IRF2: variants seen among roughly 807,000 people sequenced by gnomAD.
The protein encoded by IRF2 is interferon regulatory factor 2.
IRF2 carries 15 observed loss-of-function variants against 40.6 expected under a neutral mutation model. That is an observed-to-expected ratio of 0.37 (90% confidence interval 0.25 to 0.57). IRF2 has a LOEUF of 0.57. Ranked by LOEUF, IRF2 falls within the 20% of genes least tolerant of loss-of-function variation. IRF2 has a pLI of 0.77. For missense variants in IRF2, 317 were observed against 455.7 expected (o/e 0.70, Z 2.77); for synonymous variants, 151 against 165.5 (o/e 0.91, Z 0.67).
chr4:184,398,638 A>G (rs1278456332), intron 7 of IRF2, among the ~76,000 whole-genome samples: 1 of 151,378 alleles, frequency 6.6e-6, no homozygotes, highest in Non-Finnish European at 1.5e-5. Context: ...CCTGGGAGAC[A>G]GAGCGAGACT....
rs1447907526 is a variant in IRF2 at position 184,436,586 on chromosome 4, AGAAAGCTTTATGGCAAAG to A, written c.-6-7534_-6-7517del. 5.3e-4 allele frequency among the ~76,000 whole-genome samples: 81 copies of A among 152,248 alleles called. 1 individual carries two copies. Among genetic ancestry groups the A allele is most frequent in the Non-Finnish European group, 1.6e-4 (11 of 68,050 alleles). On this transcript the variant is annotated intron_variant, in intron 1 of 8. Coordinates refer to ENST00000393593, the MANE Select transcript of IRF2 (RefSeq NM_002199.4). ...AATCATTGTTAAATGGGCATATAAG[AGAAAGCTTTATGGCAAAG>A]GAAAGCTTTATGGTAAAGGAAGACC...
intron 6 of IRF2, among the ~76,000 whole-genome samples, chr4:184,405,560 G>C (rs1198614494): frequency 6.6e-6 from 1 of 152,130 alleles, no homozygotes; most frequent in Non-Finnish European, 1.5e-5. Context: ...GGGGACCTGG[G>C]GGAACTCAGC....
At chr4:184,402,055 T>C (rs948046554) in intron 6 of IRF2, among the ~76,000 whole-genome samples, 3 of 152,106 alleles carry the variant, frequency 2.0e-5, no homozygotes, top group African/African-American at 7.2e-5. Context: ...CCTCCCAGCC[T>C]CCCAGGGCTA....
intron 6 of IRF2, among the ~76,000 whole-genome samples, chr4:184,404,737 G>A (rs1052909054): frequency 3.3e-5 from 5 of 152,204 alleles, no homozygotes; most frequent in African/African-American, 1.2e-4. Flanking sequence ...CATGGTGGGA[G>A]AGAAGATCAC....
chr4:184,444,300 G>T (rs1443530086), intron 1 of IRF2, among the ~76,000 whole-genome samples: 2 of 152,128 alleles, frequency 1.3e-5, no homozygotes, highest in Non-Finnish European at 2.9e-5. Flanking sequence ...CCTGGTGCTG[G>T]TCACCATCTC....
intron 1 of IRF2, among the ~76,000 whole-genome samples, chr4:184,454,487 A>G (rs1738838820): frequency 6.6e-6 from 1 of 152,222 alleles, no homozygotes; most frequent in South Asian, 2.1e-4. Context: ...ATACCTCCGA[A>G]GCAAGAATCC....
intron 1 of IRF2, among the ~76,000 whole-genome samples, chr4:184,452,130 C>T (rs1738734269): frequency 6.6e-6 from 1 of 152,126 alleles, no homozygotes; most frequent in African/African-American, 2.4e-5. Flanking sequence ...GATGTAGGGA[C>T]CCAGGCCAGG....
chr4:184,471,232 A>T (rs759951360), intron 1 of IRF2, among the ~76,000 whole-genome samples: 9 of 152,252 alleles, frequency 5.9e-5, no homozygotes, highest in Non-Finnish European at 1.0e-4. Context: ...TGAAAGCAAC[A>T]CTTACGAGAT....
At chr4:184,401,994 C>T (rs967550097) in intron 6 of IRF2, among the ~76,000 whole-genome samples, 4 of 152,208 alleles carry the variant, frequency 2.6e-5, no homozygotes, top group South Asian at 2.1e-4. Context: ...CTCCCCATGA[C>T]GTCCTAGTCG....
intron 5 of IRF2, among the ~76,000 whole-genome samples, chr4:184,409,824 G>A (rs1737006612): frequency 6.6e-6 from 1 of 151,750 alleles, no homozygotes; most frequent in Non-Finnish European, 1.5e-5. Context: ...CTGAGCCCGG[G>A]AGTTCAAGGA....
In IRF2 at chr4:184,408,474, CTCCT is replaced by C. The variant is rs1439478264; in HGVS notation, c.412-203_412-200del. 2.6e-5 allele frequency among the ~76,000 whole-genome samples: 4 copies of C among 152,190 alleles called. No homozygotes were observed. The highest frequency in any genetic ancestry group is 9.7e-5 in the African/African-American group (4 of 41,438). ...CCAGGGTGCACTGCTGGGTATTCAGCTCCTTCCATTTTCCTTCAAGGAAACGGTA... is the reference window on the plus strand; with the variant it reads ...CCAGGGTGCACTGCTGGGTATTCAGCTCCATTTTCCTTCAAGGAAACGGTA... On this transcript the variant is annotated intron_variant, in intron 5 of 8. Transcript: ENST00000393593. This position sits in a 1 kb window ranked among gnomAD's most constrained non-coding sequence, Gnocchi z 4.9.
chr4:184,389,375 G>A (rs1052968457), intron 8 of IRF2, among the ~76,000 whole-genome samples: 17 of 152,250 alleles, frequency 1.1e-4, no homozygotes, highest in Admixed American at 2.0e-4. Flanking sequence ...CTATGATTGC[G>A]CCACTGCACT....
intron 1 of IRF2, among the ~76,000 whole-genome samples, chr4:184,455,772 A>G (rs1024493981): frequency 1.3e-5 from 2 of 152,162 alleles, no homozygotes; most frequent in Admixed American, 6.5e-5. Context: ...AAATTTTACT[A>G]TTTACATGCC....
chr4:184,449,318 C>G (rs903727315), intron 1 of IRF2, among the ~76,000 whole-genome samples: 2 of 152,208 alleles, frequency 1.3e-5, no homozygotes, highest in African/African-American at 4.8e-5. Flanking sequence ...CTCTCCCAAG[C>G]TAACTCTTAC....
Position 184,422,682 on chromosome 4 carries a change from A to C in IRF2, c.88-3114T>G, listed in dbSNP as rs149951550. Reference sequence around the variant, plus strand: ...CTGGATGAAAGAAGCCAGACACAAAAGGCCAAAAATTGAATGATTCCATTT... The same window carrying C: ...CTGGATGAAAGAAGCCAGACACAAACGGCCAAAAATTGAATGATTCCATTT... On this transcript the variant is annotated intron_variant, in intron 2 of 8. Transcript: ENST00000393593. Among the ~76,000 whole-genome samples, 176 of 152,370 alleles carry C rather than the reference A, an allele frequency of 1.2e-3. 2 individuals carry two copies. The highest frequency in any genetic ancestry group is 4.2e-3 in the African/African-American group (173 of 41,578).
At chr4:184,414,526 C>T (rs1737192229) in intron 5 of IRF2, among the ~76,000 whole-genome samples, 2 of 152,162 alleles carry the variant, frequency 1.3e-5, no homozygotes, top group Admixed American at 1.3e-4. Flanking sequence ...TTCTTATTTC[C>T]TTAGATAACC....
intron 7 of IRF2, among the ~76,000 whole-genome samples, chr4:184,396,308 G>T (rs1358399054): frequency 1.3e-5 from 2 of 152,200 alleles, no homozygotes; most frequent in Non-Finnish European, 2.9e-5. Flanking sequence ...GCGACACAGG[G>T]CGGGCGTTAA....
intron 7 of IRF2, 58 bp downstream of exon 7, chr4:184,398,857 G>T: frequency 6.7e-7 from 1 of 1,501,850 alleles, no homozygotes; most frequent in South Asian, 1.3e-5. Context: ...GGTGACCCTA[G>T]ACCAAAGGAC....
intron 1 of IRF2, among the ~76,000 whole-genome samples, chr4:184,473,701 G>A (rs1739616203): frequency 7.1e-6 from 1 of 141,694 alleles, no homozygotes; most frequent in Non-Finnish European, 1.5e-5. Flanking sequence ...CCCCGAGCCC[G>A]GCAGGCAGGC....
Sources: allele counts gnomAD v4.1 joint callset (sites outside exome capture counted in the v4.1 genomes callset), GRCh38; gene constraint gnomAD v4.1.1; non-coding constraint Gnocchi (gnomAD v3.1); transcripts MANE v1.5; gene names NCBI Gene and HGNC (gene_info 2026-07-23, HGNC 2026-07-21).